CNTN1: variants seen among roughly 807,000 people sequenced by gnomAD.
The protein encoded by CNTN1 is contactin-1.
A neutral mutation model predicts 126.4 loss-of-function variants in CNTN1; 38 were observed. The ratio of observed to expected loss-of-function variants is 0.30; its 90% CI spans 0.23 to 0.39. The LOEUF (loss-of-function observed/expected upper bound fraction) is 0.39, where lower values mean the gene tolerates loss of function less well. Ranked by LOEUF, CNTN1 falls within the 10% of genes least tolerant of loss-of-function variation. CNTN1 has a pLI of 1.00. For missense variants in CNTN1, 1,009 were observed against 1,248.4 expected, an observed-to-expected ratio of 0.81 and a Z score of 2.89; for synonymous variants, 413 against 422.6, an observed-to-expected ratio of 0.98 and a Z score of 0.28.
At chr12:41,024,367 T>A (rs986057651) in intron 20 of CNTN1, among the ~76,000 whole-genome samples, 1 of 152,018 alleles carries the variant, frequency 6.6e-6, no homozygotes, top group Non-Finnish European at 1.5e-5. Flanking sequence ...TTTTTATTCA[T>A]TTTATTCATA....
intron 12 of CNTN1, among the ~76,000 whole-genome samples, chr12:40,941,344 A>C (rs773891528): frequency 2.0e-5 from 3 of 152,098 alleles, no homozygotes; most frequent in Non-Finnish European, 4.4e-5. Flanking sequence ...CTAAACATAA[A>C]AATTTTGGTG....
chr12:40,936,906 G>T lies in CNTN1; in HGVS notation c.1110+1G>T. The T allele has an allele frequency of 6.2e-7, 1 of 1,612,788 alleles. No homozygotes were observed. Among genetic ancestry groups the T allele is most frequent in the Non-Finnish European group, 8.5e-7 (1 of 1,179,072 alleles). On this transcript the variant is annotated splice_donor_variant, in intron 10 of 23. Coordinates refer to ENST00000551295, the MANE Select transcript of CNTN1 (RefSeq NM_001843.4). LOFTEE classifies it high-confidence loss of function. ...CCGATGGTTGAAAAATGGATATGCG[G>T]TATGTATGTTCAAGTGCTTTGCTGT...
Position 41,070,174 on chromosome 12 carries a change from A to G in CNTN1, c.*139A>G. 1.3e-6 allele frequency: 1 copy of G among 760,082 alleles called. No individual in the cohort carries two copies. Among genetic ancestry groups the G allele is most frequent in the Non-Finnish European group, 2.3e-6 (1 of 435,694 alleles). The allele number at this position is 760,082 out of a possible 1,614,324, so 47.1% of individuals were successfully genotyped here. The stretch of plus-strand genomic sequence containing the variant: ...CTTTAACAAACTATTCAACTGATTT[A>G]CAACACACATGATGACTGAGGCATT... On this transcript the variant is annotated 3_prime_UTR_variant, in exon 24 of 24. Transcript: ENST00000551295.
chr12:40,780,017 A>T (rs916625471), intron 1 of CNTN1, among the ~76,000 whole-genome samples: 3 of 151,912 alleles, frequency 2.0e-5, no homozygotes, highest in African/African-American at 7.2e-5. Context: ...GATTCCTAAG[A>T]TCTTCTGGAC....
chr12:40,812,239 A>C (rs77707071), intron 1 of CNTN1, among the ~76,000 whole-genome samples: 1 of 152,058 alleles, frequency 6.6e-6, no homozygotes, highest in African/African-American at 2.4e-5. Context: ...TGATTATAAA[A>C]GATACTTAAT....
At chr12:40,835,942 C>T (rs547565284) in intron 1 of CNTN1, among the ~76,000 whole-genome samples, 2 of 150,100 alleles carry the variant, frequency 1.3e-5, no homozygotes, top group African/African-American at 4.9e-5. Flanking sequence ...AGATATGAAC[C>T]TTTTCATCAG....
chr12:41,022,557 T>C (rs1948943915), intron 20 of CNTN1, among the ~76,000 whole-genome samples: 1 of 152,214 alleles, frequency 6.6e-6, no homozygotes, highest in African/African-American at 2.4e-5. Flanking sequence ...GAATTTTCCC[T>C]GTTTATGTCA....
chr12:40,734,581 T>A (rs1436053719), intron 1 of CNTN1, among the ~76,000 whole-genome samples: 1 of 152,114 alleles, frequency 6.6e-6, no homozygotes, highest in African/African-American at 2.4e-5. Context: ...CAGCCCACAT[T>A]TTCTCATTAG....
At position 40,981,054 on chromosome 12, in the gene CNTN1, A is replaced by C. The variant is rs1393458031; in HGVS notation, c.1950A>C (p.Lys650Asn). 14 of 1,612,818 alleles carry C rather than the reference A, an allele frequency of 8.7e-6. No homozygotes were observed. Among genetic ancestry groups the C allele is most frequent in the Non-Finnish European group, 1.2e-5 (14 of 1,179,820 alleles). ...AGACTATTCTTTCAGATGACTGGAA[A>C]GATGCAAAGACAGGTGAGTTTTATT... ...QTKTILSDDW[K>N]DAKTDPPIIE... Residue 650 changes from lysine (K) to asparagine (N), a missense_variant, in exon 16 of 24, where the codon AAA becomes AAC. Coordinates refer to ENST00000551295, the MANE Select transcript of CNTN1 (RefSeq NM_001843.4).
chr12:41,026,496 T>A (rs1030113234), intron 21 of CNTN1, among the ~76,000 whole-genome samples: 2 of 152,216 alleles, frequency 1.3e-5, no homozygotes, highest in African/African-American at 2.4e-5. Flanking sequence ...ATTTGAGTGA[T>A]AAATGATAAG....
At chr12:40,900,728 C>T (rs565178404) in intron 1 of CNTN1, among the ~76,000 whole-genome samples, 30 of 152,244 alleles carry the variant, frequency 2.0e-4, no homozygotes, top group Admixed American at 4.6e-4. Flanking sequence ...AATGTATTTA[C>T]GAGATTCCAC....
At chr12:41,033,942 C>T (rs1384219500) in intron 23 of CNTN1, among the ~76,000 whole-genome samples, 2 of 150,988 alleles carry the variant, frequency 1.3e-5, no homozygotes, top group Non-Finnish European at 2.9e-5. Flanking sequence ...CCCACCTACT[C>T]GGGAGGCTGA....
chr12:40,926,202 T>C (rs1333308644), intron 6 of CNTN1, among the ~76,000 whole-genome samples: 1 of 151,370 alleles, frequency 6.6e-6, no homozygotes, highest in Non-Finnish European at 1.5e-5. Context: ...GATAGATAGA[T>C]AGATAGATAG....
intron 1 of CNTN1, among the ~76,000 whole-genome samples, chr12:40,694,406 CAGATGAAGAAACTA>C (rs1298947352): frequency 6.6e-6 from 1 of 152,188 alleles, no homozygotes; most frequent in Non-Finnish European, 1.5e-5. Context: ...TCCATTTTCA[CAGATGAAGAAACTA>C]AGATTCAGAA....
chr12:40,844,797 G>A (rs1942440790), intron 1 of CNTN1, among the ~76,000 whole-genome samples: 1 of 152,100 alleles, frequency 6.6e-6, no homozygotes, highest in Non-Finnish European at 1.5e-5. Flanking sequence ...ATTGAAAATT[G>A]CAGTAACGTT....
intron 1 of CNTN1, among the ~76,000 whole-genome samples, chr12:40,758,298 A>G (rs929294103): frequency 1.3e-5 from 2 of 151,590 alleles, no homozygotes; most frequent in Admixed American, 1.3e-4. Context: ...TTCAAAACAA[A>G]GTGTTTTTTT....
intron 5 of CNTN1, among the ~76,000 whole-genome samples, chr12:40,923,600 C>T (rs1023340448): frequency 6.6e-6 from 1 of 152,048 alleles, no homozygotes; most frequent in African/African-American, 2.4e-5. Flanking sequence ...TAGAAACATT[C>T]TGTTCTCATT....
chr12:41,001,362 G>A (rs957847938), intron 17 of CNTN1, among the ~76,000 whole-genome samples: 3 of 152,074 alleles, frequency 2.0e-5, no homozygotes, highest in African/African-American at 7.2e-5. Flanking sequence ...TCATTATGTG[G>A]AGCTTTTTTC....
At position 40,901,727 on chromosome 12, in the gene CNTN1, T is replaced by C. The variant is rs746209095; in HGVS notation, c.-76-6630T>C. On this transcript the variant is annotated intron_variant, in intron 1 of 23. Coordinates refer to ENST00000551295, the MANE Select transcript of CNTN1 (RefSeq NM_001843.4). ...TGAACAACATATTTTATTCTGACAATGGAAGGATACTGTTTGTAATCATTT... is the reference window on the plus strand; with the variant it reads ...TGAACAACATATTTTATTCTGACAACGGAAGGATACTGTTTGTAATCATTT... Among the ~76,000 whole-genome samples the C allele has an allele frequency of 4.9e-4, 75 of 152,306 alleles. 1 individual carries two copies. Among genetic ancestry groups the C allele is most frequent in the Non-Finnish European group, 9.6e-4 (65 of 68,026 alleles).
Sources: gnomAD v4.1 joint callset for allele counts (sites outside exome capture counted in the v4.1 genomes callset) on GRCh38, gnomAD v4.1.1 for gene constraint, MANE v1.5 for transcripts, NCBI Gene and HGNC (gene_info 2026-07-23, HGNC 2026-07-21) for gene names.